The following FAM193A variants were observed in gnomAD, a reference collection of about 807,000 sequenced individuals.
FAM193A encodes the protein family with sequence similarity 193 member A.
In FAM193A, 22 loss-of-function variants were observed where a neutral mutation model predicts 126.5. The observed-to-expected ratio is 0.17, with a 90% CI of 0.12 to 0.25. The LOEUF is 0.25. FAM193A is among the 10% of genes least tolerant of loss of function. FAM193A has a pLI of 1.00. For synonymous variants in FAM193A, 761 were observed against 646.8 expected, an observed-to-expected ratio of 1.18 and a Z score of -2.68; for missense variants, 1,675 against 1,672.8, an observed-to-expected ratio of 1.00 and a Z score of -0.02.
At chr4:2,561,013 C>T (rs1319582315) in intron 1 of FAM193A, among the ~76,000 whole-genome samples, 1 of 152,212 alleles carries the variant, frequency 6.6e-6, no homozygotes, top group African/African-American at 2.4e-5. Flanking sequence ...CTTTGCCTTC[C>T]TGTGCATGGC....
intron 6 of FAM193A, among the ~76,000 whole-genome samples, chr4:2,644,923 T>C (rs930389850): frequency 6.6e-6 from 1 of 152,256 alleles, no homozygotes; most frequent in African/African-American, 2.4e-5. Flanking sequence ...GTATTTCTTA[T>C]ACATTTTTTC....
At chr4:2,675,749 T>C (rs1320774124) in intron 13 of FAM193A, among the ~76,000 whole-genome samples, 1 of 152,230 alleles carries the variant, frequency 6.6e-6, no homozygotes, top group Admixed American at 6.5e-5. Flanking sequence ...TCTCCATAAC[T>C]CTTTTCATCT....
intron 20 of FAM193A, among the ~76,000 whole-genome samples, chr4:2,721,579 C>T (rs1234411755): frequency 6.6e-6 from 1 of 152,206 alleles, no homozygotes; most frequent in East Asian, 1.9e-4. Context: ...ACCAAGGAGC[C>T]CCATGGCAAG....
At chr4:2,536,150 C>G (rs967793252), upstream of FAM193A, among the ~76,000 whole-genome samples, 1 of 151,308 alleles carries the variant, frequency 6.6e-6, no homozygotes, top group African/African-American at 2.4e-5. Context: ...GGGCGGCGGA[C>G]AGGGGCGCGG....
chr4:2,609,190 C>T (rs1198806200), intron 2 of FAM193A, among the ~76,000 whole-genome samples: 3 of 152,078 alleles, frequency 2.0e-5, no homozygotes, highest in African/African-American at 7.2e-5. Context: ...CCGTGCCTGG[C>T]TGAATTTCAC....
chr4:2,637,757 C>T (rs553684885), intron 5 of FAM193A, among the ~76,000 whole-genome samples: 4 of 152,284 alleles, frequency 2.6e-5, no homozygotes, highest in South Asian at 4.1e-4. Flanking sequence ...CCACGCCTGT[C>T]GATGGGGCAT....
intron 1 of FAM193A, among the ~76,000 whole-genome samples, chr4:2,549,878 C>T (rs1021348916): frequency 6.6e-6 from 1 of 151,432 alleles, no homozygotes; most frequent in Non-Finnish European, 1.5e-5. Flanking sequence ...CAGGCATGCA[C>T]CACTGCACCT....
intron 1 of FAM193A, among the ~76,000 whole-genome samples, chr4:2,571,878 G>A (rs1450389170): frequency 6.7e-6 from 1 of 148,448 alleles, no homozygotes; most frequent in Non-Finnish European, 1.5e-5. Context: ...CTAAATCTTG[G>A]TCAAAGGCCA....
At chr4:2,696,020 CT>C (rs1716991303) in intron 17 of FAM193A, among the ~76,000 whole-genome samples, 1 of 131,720 alleles carries the variant, frequency 7.6e-6, no homozygotes, top group African/African-American at 2.6e-5. Flanking sequence ...AGAGCAAGAC[CT>C]TGTCTCAAAA....
intron 18 of FAM193A, among the ~76,000 whole-genome samples, chr4:2,699,444 C>CACACA (rs1553912486): frequency 1.1e-5 from 1 of 87,560 alleles, no homozygotes; most frequent in Non-Finnish European, 2.6e-5. Flanking sequence ...CCACCCCCCC[C>CACACA]CCCACACACA....
rs79166932 is a variant in FAM193A at position 2,600,572 on chromosome 4, C to T, written c.501+4243C>T. ...CTTAGACTACGTGTACCCTCTTTACCCACCCCTTGCTCAGCTCAGCTATTG... is the reference window on the plus strand; with the variant it reads ...CTTAGACTACGTGTACCCTCTTTACTCACCCCTTGCTCAGCTCAGCTATTG... On this transcript the variant is annotated intron_variant, in intron 2 of 20. Coordinates refer to ENST00000637812, the MANE Select transcript of FAM193A (RefSeq NM_001366318.2). Among the ~76,000 whole-genome samples, 691 of 152,224 alleles carry T rather than the reference C, an allele frequency of 4.5e-3. 3 individuals carry two copies. The highest frequency in any genetic ancestry group is 8.0e-3 in the Non-Finnish European group (543 of 68,014).
Position 2,700,306 on chromosome 4 carries a change from C to A in FAM193A, c.4134C>A (p.Val1378=). Residue 1378 remains valine, a synonymous_variant, in exon 19 of 21, where the codon GTC becomes GTA. Coordinates refer to ENST00000637812, the MANE Select transcript of FAM193A (RefSeq NM_001366318.2). Reference sequence around the variant, plus strand: ...AGACTGAGTCAAAGGCTAAGGTGGTCGACCTCATGTCCATCACAGAGCAGA... The same window carrying A: ...AGACTGAGTCAAAGGCTAAGGTGGTAGACCTCATGTCCATCACAGAGCAGA... ...RAQTESKAKV[V]DLMSITEQKR... is the part of the protein sequence containing the mutation. The A allele has an allele frequency of 6.2e-7, 1 of 1,613,932 alleles. No homozygotes were observed. Among genetic ancestry groups the A allele is most frequent in the Non-Finnish European group, 8.5e-7 (1 of 1,180,008 alleles).
At chr4:2,607,148 T>A (rs556357504) in intron 2 of FAM193A, among the ~76,000 whole-genome samples, 1 of 152,358 alleles carries the variant, frequency 6.6e-6, no homozygotes, top group Admixed American at 6.5e-5. Context: ...TACTTCCCAC[T>A]TCGTCACGCA....
chr4:2,719,910 C>T, intron 20 of FAM193A: 1 of 245,976 alleles, frequency 4.1e-6, no homozygotes, highest in Non-Finnish European at 8.5e-6. Flanking sequence ...CCCACCTCAG[C>T]CCTCCAAGTA....
intron 13 of FAM193A, among the ~76,000 whole-genome samples, chr4:2,688,510 G>A (rs1419502418): frequency 2.0e-5 from 3 of 152,080 alleles, no homozygotes; most frequent in African/African-American, 7.2e-5. Flanking sequence ...GTGAATAGGC[G>A]TGTGCCGGCC....
rs758796235 is a variant in FAM193A at position 2,693,552 on chromosome 4, A to G, written c.2804-34A>G. On this transcript the variant is annotated intron_variant, in intron 15 of 20. Coordinates refer to ENST00000637812, the MANE Select transcript of FAM193A (RefSeq NM_001366318.2). ...TACAGGTTTGAACATTTTTGAAACA[A>G]ACTTGGCAGTGACTCTCGCCTCTCT... is the stretch of plus-strand genomic sequence containing the variant. 9.5e-6 allele frequency: 15 copies of G among 1,581,016 alleles called. No homozygotes were observed. In the African/African-American group the frequency reaches 1.6e-4, roughly 17 times the overall value.
intron 1 of FAM193A, among the ~76,000 whole-genome samples, chr4:2,549,901 G>T (rs1481886734): frequency 2.7e-5 from 4 of 148,988 alleles, no homozygotes; most frequent in African/African-American, 9.9e-5. Flanking sequence ...CTAATTTTTT[G>T]TATTTTTAGT....
chr4:2,649,948 A>C (rs571794363), intron 7 of FAM193A, among the ~76,000 whole-genome samples: 1 of 152,280 alleles, frequency 6.6e-6, no homozygotes, highest in Non-Finnish European at 1.5e-5. Flanking sequence ...TTAGATCCTC[A>C]CAGAAGCATG....
chr4:2,541,104 C>G (rs1175407476), intron 1 of FAM193A, among the ~76,000 whole-genome samples: 1 of 151,950 alleles, frequency 6.6e-6, no homozygotes, highest in Non-Finnish European at 1.5e-5. Context: ...AACCCTGTCT[C>G]TACTAAAAAT....
Sources: allele counts gnomAD v4.1 joint callset (sites outside exome capture counted in the v4.1 genomes callset), GRCh38; gene constraint gnomAD v4.1.1; transcripts MANE v1.5; gene names NCBI Gene and HGNC (gene_info 2026-07-23, HGNC 2026-07-21).